Variants in MBOAT1 observed in about 807,000 individuals in gnomAD.
MBOAT1 encodes membrane bound glycerophospholipid O-acyltransferase 1, also known as membrane-bound glycerophospholipid O-acyltransferase 1.
In MBOAT1, 67 loss-of-function variants were observed where a neutral mutation model predicts 64.4. The ratio of observed to expected loss-of-function variants is 1.04; its 90% CI spans 0.85 to 1.27. The LOEUF is 1.27. Ranked by LOEUF, MBOAT1 falls within the 50% of genes most tolerant of loss-of-function variation. The pLI is 0.00. For missense variants in MBOAT1, 563 were observed against 604.6 expected, an observed-to-expected ratio of 0.93 and a Z score of 0.72; for synonymous variants, 229 against 218.9, an observed-to-expected ratio of 1.05 and a Z score of -0.41.
intron 1 of MBOAT1, among the ~76,000 whole-genome samples, chr6:20,184,347 G>C (rs1261083318): frequency 6.6e-6 from 1 of 152,028 alleles, no homozygotes; most frequent in African/African-American, 2.4e-5. Flanking sequence ...TGGTGAGGGG[G>C]GACAGGTGGA....
At chr6:20,206,505 T>C (rs987378132) in intron 1 of MBOAT1, among the ~76,000 whole-genome samples, 4 of 152,108 alleles carry the variant, frequency 2.6e-5, no homozygotes, top group East Asian at 1.9e-4. Flanking sequence ...ACTATCCTCA[T>C]AGGAAAGCTT....
chr6:20,106,309 T>C (rs2457337), intron 12 of MBOAT1, among the ~76,000 whole-genome samples: 14,633 of 152,190 alleles, frequency 0.096, 1,114 homozygotes, highest in African/African-American at 0.21. Flanking sequence ...TTCAATAAAA[T>C]CGAAAATTCA....
chr6:20,115,336 T>G lies in MBOAT1; in HGVS notation c.1028A>C (p.Lys343Thr), dbSNP rs201732897. The G allele has an allele frequency of 1.9e-6, 3 of 1,614,026 alleles. No homozygotes were observed. Among genetic ancestry groups the G allele is most frequent in the Non-Finnish European group, 2.5e-6 (3 of 1,179,872 alleles). The part of the protein sequence containing the change: ...IWKIETATSF[K>T]MYLENWNIQT... The stretch of plus-strand genomic sequence containing the variant: ...AATATTCCAGTTTTCCAAGTACATT[T>G]TGAAACTTGTGGCAGTCTGGAAAGA... The change falls in exon 10 of 13, where the codon AAA becomes ACA. Residue 343 changes from lysine (K) to threonine (T), a missense_variant. Lys to Thr is a moderately conservative substitution (Grantham distance 78, BLOSUM62 -1). Coordinates refer to ENST00000324607, the MANE Select transcript of MBOAT1 (RefSeq NM_001080480.3).
At chr6:20,196,413 T>C (rs1383393391) in intron 1 of MBOAT1, among the ~76,000 whole-genome samples, 1 of 152,002 alleles carries the variant, frequency 6.6e-6, no homozygotes, top group Non-Finnish European at 1.5e-5. Context: ...TGAGAGAAAG[T>C]AGATCAGTAG....
At chr6:20,120,784 G>T (rs964102126) in intron 8 of MBOAT1, among the ~76,000 whole-genome samples, 3 of 152,124 alleles carry the variant, frequency 2.0e-5, no homozygotes, top group African/African-American at 7.2e-5. Context: ...ATGGTGAAAG[G>T]TTCCCAACTA....
intron 1 of MBOAT1, among the ~76,000 whole-genome samples, chr6:20,193,588 A>G (rs370460669): frequency 1.3e-5 from 2 of 151,378 alleles, no homozygotes; most frequent in Non-Finnish European, 2.9e-5. Context: ...TAAAGAGTCA[A>G]GAGGAACCAA....
chr6:20,158,636 G>C (rs1435719143), intron 1 of MBOAT1, among the ~76,000 whole-genome samples: 1 of 152,132 alleles, frequency 6.6e-6, no homozygotes, highest in Non-Finnish European at 1.5e-5. Context: ...AGAGTAAAGA[G>C]ACAACCCACA....
chr6:20,116,418 G>A (rs1165530259), intron 9 of MBOAT1, among the ~76,000 whole-genome samples: 1 of 152,120 alleles, frequency 6.6e-6, no homozygotes, highest in Non-Finnish European at 1.5e-5. Flanking sequence ...AAGTCTAAGT[G>A]CCACTTTTTT....
chr6:20,135,102 C>T (rs1760943821), intron 4 of MBOAT1, among the ~76,000 whole-genome samples: 3 of 152,052 alleles, frequency 2.0e-5, no homozygotes. Flanking sequence ...TTTAAACGCA[C>T]TTGTCAATCA....
chr6:20,124,687 T>C (rs1760601448), intron 7 of MBOAT1, 87 bp from the exon 8 acceptor site: 4 of 1,228,582 alleles, frequency 3.3e-6, no homozygotes, highest in South Asian at 1.4e-5. Context: ...AAGGACAACG[T>C]TGCTCCAACA....
intron 1 of MBOAT1, among the ~76,000 whole-genome samples, chr6:20,180,648 C>T (rs1762481742): frequency 6.6e-6 from 1 of 152,200 alleles, no homozygotes; most frequent in African/African-American, 2.4e-5. Context: ...AACAAAATCC[C>T]ACTTTGAGCT....
At chr6:20,182,544 G>T (rs1258997862) in intron 1 of MBOAT1, among the ~76,000 whole-genome samples, 1 of 152,072 alleles carries the variant, frequency 6.6e-6, no homozygotes, top group Non-Finnish European at 1.5e-5. Context: ...CTCTCCCTCA[G>T]TCTGCCCAAG....
chr6:20,185,734 C>A (rs1458100122), intron 1 of MBOAT1, among the ~76,000 whole-genome samples: 1 of 152,162 alleles, frequency 6.6e-6, no homozygotes, highest in Non-Finnish European at 1.5e-5. Context: ...TCTCTAGGGT[C>A]CAAGCACTTT....
In MBOAT1 at chr6:20,124,599, C is replaced by T. The variant is rs1173021345; in HGVS notation, c.716G>A (p.Gly239Glu). 3 of 1,613,678 alleles carry T rather than the reference C, an allele frequency of 1.9e-6. No homozygotes were observed. The highest frequency in any genetic ancestry group is 2.5e-6 in the Non-Finnish European group (3 of 1,179,768). The change falls in exon 8 of 13, where the codon GGA (glycine) becomes GAA (glutamate). Residue 239 changes from glycine to glutamate, a missense_variant and splice_region_variant. By Grantham distance (98) the Gly-to-Glu change is moderately conservative (BLOSUM62 -2). Transcript: ENST00000324607. The part of the protein sequence containing the change: ...FHSLPEPSPT[G>E]AVIHKLGITL... ...GATGCCCAACTTGTGTATCACAGCT[C>T]CCTGAAAATGGGGAAAAATCAGTGT...
intron 1 of MBOAT1, among the ~76,000 whole-genome samples, chr6:20,189,301 A>G (rs1342850476): frequency 6.6e-6 from 1 of 152,154 alleles, no homozygotes; most frequent in Non-Finnish European, 1.5e-5. Flanking sequence ...ATACACATAG[A>G]TTGTGGAATG....
chr6:20,184,265 G>A (rs1420486983), intron 1 of MBOAT1, among the ~76,000 whole-genome samples: 1 of 152,218 alleles, frequency 6.6e-6, no homozygotes, highest in Non-Finnish European at 1.5e-5. Flanking sequence ...CAGCGCTGAT[G>A]TGGAAGTCCA....
intron 4 of MBOAT1, among the ~76,000 whole-genome samples, chr6:20,133,349 G>A (rs1053768477): frequency 6.6e-6 from 1 of 152,122 alleles, no homozygotes; most frequent in Non-Finnish European, 1.5e-5. Flanking sequence ...TGAGGTTTTG[G>A]TCCTAGTAAT....
chr6:20,102,337 C>A lies in MBOAT1; in HGVS notation c.1437G>T (p.Thr479=). 1 of 1,613,766 alleles carries A rather than the reference C, an allele frequency of 6.2e-7. No individual in the cohort carries two copies. Among genetic ancestry groups the A allele is most frequent in the Non-Finnish European group, 8.5e-7 (1 of 1,179,828 alleles). ...AGTTCAGAGTCTGAGGCCGCCTTTG[C>A]GTATGAGCTTGTGGTTTCATTGGCA... ...LFLPMKPQAH[T]QRRPQTLNSI... is the part of the protein sequence containing the mutation. The change falls in exon 13 of 13, where the codon ACG becomes ACT. Residue 479 remains threonine (T), a synonymous_variant. Coordinates refer to ENST00000324607, the MANE Select transcript of MBOAT1 (RefSeq NM_001080480.3).
chr6:20,152,533 G>T, intron 2 of MBOAT1, 91 bp downstream of exon 2: 1 of 1,292,212 alleles, frequency 7.7e-7, no homozygotes, highest in Non-Finnish European at 1.1e-6. Flanking sequence ...ATTTTATAAT[G>T]CCATCTATTT....
Sources: allele counts gnomAD v4.1 joint callset (sites outside exome capture counted in the v4.1 genomes callset), GRCh38; gene constraint gnomAD v4.1.1; transcripts MANE v1.5; gene names NCBI Gene and HGNC (gene_info 2026-07-23, HGNC 2026-07-21).